Variants in SLC24A2 observed in about 807,000 individuals in gnomAD.
The protein encoded by SLC24A2 is solute carrier family 24 member 2, also known as sodium/potassium/calcium exchanger 2.
In SLC24A2, 36 loss-of-function variants were observed where a neutral mutation model predicts 62.0. The observed-to-expected ratio is 0.58, with a 90% CI of 0.44 to 0.77. SLC24A2 has a LOEUF of 0.77. Among genes scored for constraint, SLC24A2 ranks in the 30% least tolerant of loss-of-function variants. SLC24A2 has a pLI of 0.00. For synonymous variants in SLC24A2, 358 were observed against 294.0 expected (o/e 1.22, Z -2.23); for missense variants, 846 against 817.9 (o/e 1.03, Z -0.42).
chr9:19,751,350 T>G (rs1323956121), intron 2 of SLC24A2, among the ~76,000 whole-genome samples: 1 of 152,126 alleles, frequency 6.6e-6, no homozygotes, highest in Admixed American at 6.5e-5. Context: ...TACTATATAG[T>G]TAGTAAACCG....
the SLC24A2 span, among the ~76,000 whole-genome samples, chr9:20,158,608 C>T: frequency 1.3e-5 from 2 of 151,402 alleles, no homozygotes; most frequent in Admixed American, 6.6e-5. Flanking sequence ...ATTACTCAGT[C>T]GATGGCATTT....
In SLC24A2 at chr9:19,550,120, T is replaced by C; in HGVS notation, c.1479+17A>G. 1 of 1,612,714 alleles carries C rather than the reference T, an allele frequency of 6.2e-7. No homozygotes were observed. Among genetic ancestry groups the C allele is most frequent in the Admixed American group, 1.7e-5 (1 of 60,004 alleles). On this transcript the variant is annotated intron_variant, in intron 8 of 10. Transcript: ENST00000341998. ...ATATGTTTTACAAGGGAACTATTTT[T>C]AAAATGCTTTACTTACAGGTTTGCG...
At chr9:20,198,819 G>A in the SLC24A2 span, among the ~76,000 whole-genome samples, 4 of 152,120 alleles carry the variant, frequency 2.6e-5, no homozygotes, top group African/African-American at 9.7e-5. Flanking sequence ...AACTGGCTCT[G>A]GCAAACCTGG....
the SLC24A2 span, among the ~76,000 whole-genome samples, chr9:20,043,731 C>T: frequency 6.6e-6 from 1 of 152,136 alleles, no homozygotes; most frequent in East Asian, 1.9e-4. Context: ...TAAGGAATTG[C>T]TTCTTATGGA....
chr9:20,294,934 T>C, the SLC24A2 span, among the ~76,000 whole-genome samples: 1 of 151,974 alleles, frequency 6.6e-6, no homozygotes, highest in Non-Finnish European at 1.5e-5. Flanking sequence ...ACTCAAATTG[T>C]CATTTACTAA....
chr9:20,048,746 TAAAAA>T, the SLC24A2 span, among the ~76,000 whole-genome samples: 1 of 147,064 alleles, frequency 6.8e-6, no homozygotes, highest in African/African-American at 2.5e-5. Flanking sequence ...TTTAGTACAT[TAAAAA>T]AAAAAATCTC....
rs888988265 is a variant in SLC24A2, at chr9:19,510,106, C to A, written c.*6047G>T. The A allele has an allele frequency of 2.6e-5, 4 of 152,082 alleles. No individual in the cohort carries two copies. The highest frequency in any genetic ancestry group is 9.7e-5 in the African/African-American group (4 of 41,420). The allele number at this position is 152,082 out of a possible 1,614,324, so 9.4% of individuals were successfully genotyped here. On this transcript the variant is annotated 3_prime_UTR_variant, in exon 11 of 11. Transcript: ENST00000341998. ...AGTGGTGTCTCCCCAATTTTGAGTTCTTTGTGAGTCTGAGATTATGACCTA... is the reference window on the plus strand; with the variant it reads ...AGTGGTGTCTCCCCAATTTTGAGTTATTTGTGAGTCTGAGATTATGACCTA...
chr9:19,584,000 A>G (rs968856609), intron 5 of SLC24A2, among the ~76,000 whole-genome samples: 1 of 152,110 alleles, frequency 6.6e-6, no homozygotes, highest in Non-Finnish European at 1.5e-5. Flanking sequence ...TGGAAACCCA[A>G]CATTCTCATG....
chr9:19,746,985 T>C (rs980126299), intron 2 of SLC24A2, among the ~76,000 whole-genome samples: 1 of 152,144 alleles, frequency 6.6e-6, no homozygotes, highest in Non-Finnish European at 1.5e-5. Context: ...ATCCCAGTTG[T>C]TGAGTGTCTA....
the SLC24A2 span, among the ~76,000 whole-genome samples, chr9:20,077,919 T>C: frequency 1.4e-4 from 22 of 152,246 alleles, no homozygotes; most frequent in Middle Eastern, 6.8e-3. Context: ...AAATATATCA[T>C]AGATGCAAAC....
chr9:20,091,487 G>C, the SLC24A2 span, among the ~76,000 whole-genome samples: 2 of 151,924 alleles, frequency 1.3e-5, no homozygotes, highest in Non-Finnish European at 2.9e-5. Context: ...ACCCCATCAG[G>C]CTACCAGACC....
At chr9:20,226,814 A>C in the SLC24A2 span, among the ~76,000 whole-genome samples, 1 of 152,210 alleles carries the variant, frequency 6.6e-6, no homozygotes, top group African/African-American at 2.4e-5. Context: ...ATCAATCATG[A>C]GTGTGTATTA....
the SLC24A2 span, among the ~76,000 whole-genome samples, chr9:20,230,364 T>C: frequency 1.3e-5 from 2 of 152,152 alleles, no homozygotes; most frequent in Admixed American, 6.5e-5. Context: ...TGTAAAAGTG[T>C]TCCTATTTCT....
the SLC24A2 span, among the ~76,000 whole-genome samples, chr9:19,975,900 TTTTG>T: frequency 1.4e-4 from 21 of 151,016 alleles, no homozygotes; most frequent in South Asian, 1.0e-3. Context: ...AAACATACGT[TTTTG>T]TTTGTTTGTT....
the SLC24A2 span, among the ~76,000 whole-genome samples, chr9:20,021,208 G>A: frequency 1.3e-5 from 2 of 152,012 alleles, no homozygotes; most frequent in Non-Finnish European, 2.9e-5. Context: ...AGGCAAGGAA[G>A]GTAAAACTGG....
At chr9:20,017,529 T>C in the SLC24A2 span, among the ~76,000 whole-genome samples, 310 of 152,222 alleles carry the variant, frequency 2.0e-3, 1 homozygote, top group Non-Finnish European at 3.6e-3. Context: ...AAAGGGTGTT[T>C]ATTAGGAGAA....
chr9:20,067,103 A>C, the SLC24A2 span, among the ~76,000 whole-genome samples: 1 of 152,234 alleles, frequency 6.6e-6, no homozygotes, highest in Non-Finnish European at 1.5e-5. Context: ...TTTATTAAAC[A>C]GATGTTATTT....
chr9:20,082,066 A>G, the SLC24A2 span, among the ~76,000 whole-genome samples: 1 of 152,172 alleles, frequency 6.6e-6, no homozygotes, highest in Non-Finnish European at 1.5e-5. Context: ...AGTGAATTTC[A>G]TGCGCTCCAT....
chr9:20,029,895 A>G, the SLC24A2 span, among the ~76,000 whole-genome samples: 1 of 152,224 alleles, frequency 6.6e-6, no homozygotes, highest in South Asian at 2.1e-4. Flanking sequence ...AAGCAGTTAT[A>G]TTATGGTGTG....
Sources: gnomAD v4.1 joint callset for allele counts (sites outside exome capture counted in the v4.1 genomes callset) on GRCh38, gnomAD v4.1.1 for gene constraint, MANE v1.5 for transcripts, NCBI Gene and HGNC (gene_info 2026-07-23, HGNC 2026-07-21) for gene names.